SEC61G: variants seen among roughly 807,000 people sequenced by gnomAD.
The protein encoded by SEC61G is protein transport protein Sec61 subunit gamma.
A neutral mutation model predicts 7.5 loss-of-function variants in SEC61G; 4 were observed. That is an observed-to-expected ratio of 0.54 (90% confidence interval 0.26 to 1.22). SEC61G has a LOEUF of 1.22. SEC61G is among the 50% of genes most tolerant of loss of function. The probability of loss-of-function intolerance (pLI) is 0.12; values close to 1 mark genes in which losing one functional copy is unlikely to be tolerated. For missense variants in SEC61G, 53 were observed against 84.6 expected, an observed-to-expected ratio of 0.63 and a Z score of 1.46; for synonymous variants, 24 against 24.4, an observed-to-expected ratio of 0.98 and a Z score of 0.05.
chr7:54,753,913 T>G (rs1791459473), intron 3 of SEC61G, among the ~76,000 whole-genome samples: 1 of 142,788 alleles, frequency 7.0e-6, no homozygotes, highest in Admixed American at 6.9e-5. Flanking sequence ...CTATTATTAT[T>G]GCCACCATCA....
intron 3 of SEC61G, among the ~76,000 whole-genome samples, chr7:54,754,141 A>G (rs985910916): frequency 4.6e-5 from 7 of 152,220 alleles, no homozygotes; most frequent in African/African-American, 1.4e-4. Context: ...AAGGGACAAA[A>G]ATATAGGTTA....
intron 1 of SEC61G, among the ~76,000 whole-genome samples, chr7:54,758,180 C>T (rs932392358): frequency 6.6e-6 from 1 of 152,168 alleles, no homozygotes; most frequent in African/African-American, 2.4e-5. Flanking sequence ...TAAAGGAAGA[C>T]GCAAATTCTG....
At chr7:54,753,027 C>T in intron 3 of SEC61G, among the ~76,000 whole-genome samples, 1 of 152,280 alleles carries the variant, frequency 6.6e-6, no homozygotes, top group Middle Eastern at 3.4e-3. Context: ...TGGTGGCTCT[C>T]ACCTGTAATC....
chr7:54,755,556 A>G (rs2116344235), intron 3 of SEC61G: 1 of 329,444 alleles, frequency 3.0e-6, no homozygotes, highest in African/African-American at 2.1e-5. Context: ...TGACTCTGTA[A>G]AATTTTATTT....
At chr7:54,756,981 C>G (rs1489833795) in intron 2 of SEC61G, among the ~76,000 whole-genome samples, 1 of 144,934 alleles carries the variant, frequency 6.9e-6, no homozygotes, top group Non-Finnish European at 1.5e-5. Context: ...ATACTATATA[C>G]TATATACTAT....
intron 1 of SEC61G, among the ~76,000 whole-genome samples, chr7:54,758,427 A>G (rs539679623): frequency 6.6e-6 from 1 of 152,302 alleles, no homozygotes; most frequent in East Asian, 1.9e-4. Context: ...ATCACTGGCT[A>G]TGGAATGTAA....
Position 54,757,530 on chromosome 7 carries a change from C to T in SEC61G, c.59G>A (p.Arg20Gln). ...AGGTTTAGTGCATCTTTTAACCAGC[C>T]GAATGGAGTCCTTTACAAACTGCCG... ...PSRQFVKDSI[R>Q]LVKRCTKPDR... The change falls in exon 2 of 4, where the codon CGG becomes CAG. Residue 20 changes from arginine (R) to glutamine (Q), a missense_variant. Arg to Gln is a conservative substitution (Grantham distance 43, BLOSUM62 1). Coordinates refer to ENST00000352861, the MANE Select transcript of SEC61G (RefSeq NM_014302.4). 1.2e-6 allele frequency: 2 copies of T among 1,613,998 alleles called. No individual in the cohort carries two copies. The highest frequency in any genetic ancestry group is 1.3e-5 in the African/African-American group (1 of 75,004).
Position 54,753,292 on chromosome 7 carries a change from C to CA in SEC61G, c.198-873dup, listed in dbSNP as rs918251251. On this transcript the variant is annotated intron_variant, in intron 3 of 3. Transcript: ENST00000352861. ...TGGGAAACAGAGCAAGACTCCATCT[C>CA]AAAAAAAAGAGAAAATTATTATATA... 7.9e-5 allele frequency among the ~76,000 whole-genome samples: 12 copies of CA among 150,996 alleles called. No homozygotes were observed. In the East Asian group the frequency reaches 1.6e-3, roughly 20 times the overall value.
At chr7:54,753,242 A>AAGATTGC (rs1232015277) in intron 3 of SEC61G, among the ~76,000 whole-genome samples, 9 of 152,122 alleles carry the variant, frequency 5.9e-5, no homozygotes, top group Non-Finnish European at 8.8e-5. Flanking sequence ...GCAATAAGCT[A>AAGATTGC]AGATTGCACC....
Position 54,759,169 on chromosome 7 carries a change from A to T in SEC61G, c.-18T>A. On this transcript the variant is annotated 5_prime_UTR_variant, in exon 1 of 4. Coordinates refer to ENST00000352861, the MANE Select transcript of SEC61G (RefSeq NM_014302.4). ...GGGAAGAAACTCACCTACCCAACCGACACCTAAAATGCCAGGGACACGTAG... is the reference window on the plus strand; with the variant it reads ...GGGAAGAAACTCACCTACCCAACCGTCACCTAAAATGCCAGGGACACGTAG... 1.9e-6 allele frequency: 1 copy of T among 518,962 alleles called. No homozygotes were observed. Among genetic ancestry groups the T allele is most frequent in the South Asian group, 1.4e-5 (1 of 71,586 alleles). The allele number at this position is 518,962 out of a possible 1,614,324, so 32.1% of individuals were successfully genotyped here.
chr7:54,755,677 A>C, intron 3 of SEC61G, 102 bp downstream of exon 3: 1 of 548,364 alleles, frequency 1.8e-6, no homozygotes, highest in East Asian at 3.1e-5. Context: ...ACAGCACTAA[A>C]AAGTCAAGAG....
At chr7:54,756,027 A>T (rs1192612914) in intron 2 of SEC61G, 146 bp from the exon 3 acceptor site, 1 of 458,750 alleles carries the variant, frequency 2.2e-6, no homozygotes, top group Non-Finnish European at 3.8e-6. Context: ...AGGTGAGACT[A>T]TTAACAGTAA....
At position 54,757,613 on chromosome 7, in the gene SEC61G, A is replaced by G. The variant is rs1261208079; in HGVS notation, c.-6-19T>C. ...TGACTGCCTGTTTAAAACAAAAAAG[A>G]TACTCACTGGTATTGGTTCTCATAC... On this transcript the variant is annotated intron_variant, in intron 1 of 3. Coordinates refer to ENST00000352861, the MANE Select transcript of SEC61G (RefSeq NM_014302.4). 3 of 1,596,294 alleles carry G rather than the reference A, an allele frequency of 1.9e-6. No homozygotes were observed. In the Admixed American group the frequency reaches 5.0e-5, roughly 27 times the overall value.
chr7:54,752,562 A>G (rs1791435881), intron 3 of SEC61G, 142 bp from the exon 4 acceptor site: 2 of 509,210 alleles, frequency 3.9e-6, no homozygotes, highest in Non-Finnish European at 6.9e-6. Flanking sequence ...AAGATGGCAT[A>G]AAAGAATGGC....
At position 54,757,502 on chromosome 7, in the gene SEC61G, A is replaced by G; in HGVS notation, c.87T>C (p.Asp29=). ...TCATAGTCAAGCAATTACCTTTTCT[A>G]TCAGGTTTAGTGCATCTTTTAACCA... ...IRLVKRCTKP[D]RKEFQKIAMA... is the part of the protein sequence containing the mutation. Residue 29 remains aspartate, a synonymous_variant, in exon 2 of 4, where the codon GAT becomes GAC. Coordinates refer to ENST00000352861, the MANE Select transcript of SEC61G (RefSeq NM_014302.4). The G allele has an allele frequency of 6.2e-7, 1 of 1,613,506 alleles. No individual in the cohort carries two copies. The highest frequency in any genetic ancestry group is 8.5e-7 in the Non-Finnish European group (1 of 1,179,480).
chr7:54,755,119 A>T (rs1791481480), intron 3 of SEC61G: 1 of 152,220 alleles, frequency 6.6e-6, no homozygotes, highest in African/African-American at 2.4e-5. Flanking sequence ...AATTATTTGG[A>T]AACAAATAAA....
chr7:54,755,481 C>G (rs1404466663), intron 3 of SEC61G: 2 of 198,180 alleles, frequency 1.0e-5, no homozygotes, highest in Non-Finnish European at 2.0e-5. Flanking sequence ...AACAAGGTAA[C>G]AGCACAAAGA....
intron 3 of SEC61G, 22 bp from the exon 4 acceptor site, chr7:54,752,442 T>A: frequency 6.9e-7 from 1 of 1,441,692 alleles, no homozygotes; most frequent in Non-Finnish European, 9.5e-7. Context: ...AGAAAAATTA[T>A]TACTTCTGAG....
At chr7:54,755,984 TC>T (rs3834332) in intron 2 of SEC61G, 103 bp from the exon 3 acceptor site, 99,487 of 534,630 alleles carry the variant, frequency 0.19, 10,393 homozygotes, top group South Asian at 0.25. Flanking sequence ...TATACATTTC[TC>T]CTGTTAATAG....
Sources: gnomAD v4.1 joint callset for allele counts (sites outside exome capture counted in the v4.1 genomes callset) on GRCh38, gnomAD v4.1.1 for gene constraint, MANE v1.5 for transcripts, NCBI Gene and HGNC (gene_info 2026-07-23, HGNC 2026-07-21) for gene names.